Variants in CTBP1 observed in about 807,000 individuals in gnomAD.
The protein encoded by CTBP1 is C-terminal binding protein 1.
In CTBP1, 11 loss-of-function variants were observed where a neutral mutation model predicts 42.1. The ratio of observed to expected loss-of-function variants is 0.26; its 90% CI spans 0.16 to 0.43. The LOEUF (loss-of-function observed/expected upper bound fraction) is 0.43. CTBP1 is among the 20% of genes least tolerant of loss of function. The pLI, the probability that CTBP1 is intolerant of heterozygous loss-of-function variation, is 1.00. For missense variants in CTBP1, 399 were observed against 624.3 expected (o/e 0.64, Z 3.85); for synonymous variants, 324 against 277.1 (o/e 1.17, Z -1.68).
chr4:1,244,070 G>T, intron 1 of CTBP1: 1 of 985,426 alleles, frequency 1.0e-6, no homozygotes, highest in Non-Finnish European at 1.2e-6. Context: ...CAGCCCCCAG[G>T]TTCTCTGGAG....
At chr4:1,214,575 C>T (rs1010589971) in intron 6 of CTBP1, 102 bp from the exon 7 acceptor site, 6 of 1,399,042 alleles carry the variant, frequency 4.3e-6, no homozygotes, top group Non-Finnish European at 5.7e-6. Context: ...GGCCCAGCTC[C>T]CTAGCCCCTT....
At chr4:1,213,165 C>A in intron 8 of CTBP1, 135 bp from the exon 9 acceptor site, 2 of 824,608 alleles carry the variant, frequency 2.4e-6, no homozygotes, top group Non-Finnish European at 3.9e-6. Flanking sequence ...TCCCAAGGCA[C>A]GGCAGGGTCC....
rs1731433629 is a variant in CTBP1 at position 1,235,761 on chromosome 4, G to C, written c.162+2422C>G. ...CTGCGTTTTGCGCATCTCCTTGACT[G>C]CCTGGTTACCTCTGTTTGCATGTGA... On this transcript the variant is annotated intron_variant, in intron 3 of 9. Transcript: ENST00000382952. The surrounding 1 kb of genome is among the most constrained non-coding windows in gnomAD (Gnocchi z 4.2). 1 of 152,176 alleles carries C rather than the reference G, an allele frequency of 6.6e-6. No homozygotes were observed. Among genetic ancestry groups the C allele is most frequent in the Non-Finnish European group, 1.5e-5 (1 of 68,058 alleles). The allele number at this position is 152,176 out of a possible 1,614,324, so 9.4% of individuals were successfully genotyped here. A position where few individuals can be genotyped will look rare whatever the true frequency, so the allele number is the denominator to read the frequency against.
chr4:1,243,410 C>T (rs1480244993), intron 1 of CTBP1: 3 of 985,388 alleles, frequency 3.0e-6, no homozygotes, highest in Non-Finnish European at 2.4e-6. Context: ...AGGGGCTGCA[C>T]CCCATGCCAC....
intron 3 of CTBP1, among the ~76,000 whole-genome samples, chr4:1,232,390 C>G (rs1731051397): frequency 6.6e-6 from 1 of 152,230 alleles, no homozygotes; most frequent in African/African-American, 2.4e-5. Context: ...TGGCTCACTG[C>G]AACCTCTGCC....
chr4:1,242,589 G>A, intron 1 of CTBP1: 2 of 985,458 alleles, frequency 2.0e-6, no homozygotes, highest in South Asian at 9.4e-5. Context: ...CATCACAGGG[G>A]CTGGGGTGCA....
At chr4:1,241,140 G>A (rs1265774933) in intron 2 of CTBP1, among the ~76,000 whole-genome samples, 185 bp downstream of exon 2, 1 of 152,214 alleles carries the variant, frequency 6.6e-6, no homozygotes, top group Non-Finnish European at 1.5e-5. Context: ...AGGTGTGCAG[G>A]AAGCCCTCCC....
upstream of CTBP1, chr4:1,250,056 C>T (rs910010105): frequency 9.3e-5 from 15 of 161,416 alleles, no homozygotes; most frequent in Middle Eastern, 3.3e-3. Flanking sequence ...GGGAGGGCCT[C>T]TGCGCGTGGC....
At chr4:1,219,929 G>A (rs913294720) in intron 5 of CTBP1, among the ~76,000 whole-genome samples, 3 of 152,212 alleles carry the variant, frequency 2.0e-5, no homozygotes, top group African/African-American at 7.2e-5. Context: ...CAATTAGGCC[G>A]GGCACAGTGG....
rs1001682729 is a variant in CTBP1, at chr4:1,244,353, C to T, written c.-188-2834G>A. ...GACAGCCACAGTGGGTCTCTGGGCA[C>T]TGGGGGGGGGGTGTTCCAGGAAGTC... is the stretch of plus-strand genomic sequence containing the variant. On this transcript the variant is annotated intron_variant, in intron 1 of 9. Transcript: ENST00000382952. 5.4e-4 allele frequency: 325 copies of T among 604,746 alleles called. 4 individuals are homozygous for T. The South Asian group carries it at 0.02, about 38-fold the overall frequency. 37.5% of individuals were successfully genotyped at this position (604,746 alleles called of 1,614,324 possible).
At chr4:1,222,923 G>T (rs1056571339) in intron 5 of CTBP1, among the ~76,000 whole-genome samples, 1 of 133,634 alleles carries the variant, frequency 7.5e-6, no homozygotes, top group Admixed American at 7.2e-5. Flanking sequence ...TGGCCACACA[G>T]ACACAGCCCA....
rs1265464381 is a variant in CTBP1 at position 1,211,832 on chromosome 4, C to T, written c.*408G>A. The stretch of plus-strand genomic sequence containing the variant: ...GGATTCATTGTCCTGAGAAGTTTGC[C>T]AACTGCCTCATTCTGGGGCACGTTC... On this transcript the variant is annotated 3_prime_UTR_variant, in exon 10 of 10. Coordinates refer to ENST00000382952, the MANE Select transcript of CTBP1 (RefSeq NM_001012614.2). The T allele has an allele frequency of 1.3e-5, 2 of 155,016 alleles. No individual in the cohort carries two copies. Among genetic ancestry groups the T allele is most frequent in the Non-Finnish European group, 2.8e-5 (2 of 72,670 alleles). The allele number at this position is 155,016 out of a possible 1,614,324, so 9.6% of individuals were successfully genotyped here.
At position 1,235,001 on chromosome 4, in the gene CTBP1, C is replaced by T. The variant is rs1358158935; in HGVS notation, c.162+3182G>A. The stretch of plus-strand genomic sequence containing the variant: ...GGATGAAGAGATCATACAGTGTGCA[C>T]CCCTTGAAACCAGCTTCTTCACTCG... On this transcript the variant is annotated intron_variant, in intron 3 of 9. Coordinates refer to ENST00000382952, the MANE Select transcript of CTBP1 (RefSeq NM_001012614.2). This position sits in a 1 kb window ranked among gnomAD's most constrained non-coding sequence, Gnocchi z 4.2. The T allele has an allele frequency of 2.0e-5, 3 of 152,284 alleles. No individual in the cohort carries two copies. Among genetic ancestry groups the T allele is most frequent in the African/African-American group, 7.2e-5 (3 of 41,450 alleles). 9.4% of individuals were successfully genotyped at this position (152,284 alleles called of 1,614,324 possible).
intron 5 of CTBP1, among the ~76,000 whole-genome samples, chr4:1,220,569 C>T (rs927362557): frequency 1.3e-5 from 2 of 152,240 alleles, no homozygotes; most frequent in Non-Finnish European, 2.9e-5. Flanking sequence ...GGACCTAAAA[C>T]AGCCAAGACC....
intron 5 of CTBP1, among the ~76,000 whole-genome samples, chr4:1,224,955 G>A (rs1194264175): frequency 1.3e-5 from 2 of 151,888 alleles, no homozygotes; most frequent in African/African-American, 4.8e-5. Context: ...AGGCCCACAT[G>A]TGTGCTCTGA....
intron 1 of CTBP1, chr4:1,248,643 C>G (rs1733019554): frequency 2.0e-6 from 2 of 980,670 alleles, no homozygotes; most frequent in African/African-American, 1.8e-5. Flanking sequence ...CAGAGGCCCA[C>G]AGGCCCTTTT....
rs375479004 is a variant in CTBP1, at chr4:1,213,458, C to A, written c.988+20G>T. On this transcript the variant is annotated intron_variant, in intron 8 of 9. Transcript: ENST00000382952. ...GCAGGAAGGGACCCCCAGGCCTGAC[C>A]GAGCGGCCCCCACGCCCACCTGTGA... The A allele has an allele frequency of 6.2e-7, 1 of 1,607,128 alleles. No homozygotes were observed. The highest frequency in any genetic ancestry group is 2.2e-5 in the East Asian group (1 of 44,870).
At chr4:1,224,399 G>A (rs1577037545) in intron 5 of CTBP1, among the ~76,000 whole-genome samples, 1 of 151,750 alleles carries the variant, frequency 6.6e-6, no homozygotes, top group East Asian at 1.9e-4. Flanking sequence ...GCCTGTGTGA[G>A]ACCCATGTGT....
chr4:1,237,914 C>A (rs1560273598), intron 3 of CTBP1: 5 of 698,036 alleles, frequency 7.2e-6, no homozygotes, highest in Admixed American at 2.0e-5. Context: ...GGGCTCAGGA[C>A]AAACGTGGTG....
Sources: gnomAD v4.1 joint callset for allele counts (sites outside exome capture counted in the v4.1 genomes callset) on GRCh38, gnomAD v4.1.1 for gene constraint, Gnocchi (gnomAD v3.1) non-coding constraint, MANE v1.5 for transcripts, NCBI Gene and HGNC (gene_info 2026-07-23, HGNC 2026-07-21) for gene names.